Variants in TOM1L2 observed in about 807,000 individuals in gnomAD.
TOM1L2 encodes target of myb1 like 2 membrane trafficking protein.
Under a neutral mutation model 67.9 loss-of-function variants are expected in TOM1L2, and 31 were observed. That is an observed-to-expected ratio of 0.46 (90% confidence interval 0.34 to 0.62). TOM1L2 has a LOEUF of 0.62. Among genes scored for constraint, TOM1L2 ranks in the 20% least tolerant of loss-of-function variants. The probability of loss-of-function intolerance (pLI) is 0.01; values close to 1 mark genes in which losing one functional copy is unlikely to be tolerated. For missense variants in TOM1L2, 606 were observed against 663.5 expected (o/e 0.91, Z 0.95); for synonymous variants, 256 against 254.0 (o/e 1.01, Z -0.07).
At chr17:17,892,231 T>C (rs191641335) in intron 4 of TOM1L2, among the ~76,000 whole-genome samples, 13 of 152,202 alleles carry the variant, frequency 8.5e-5, no homozygotes, top group Admixed American at 8.5e-4. Flanking sequence ...GGACAGAGGC[T>C]CCTCTCCAGC....
chr17:17,960,358 G>T (rs1268668549), intron 1 of TOM1L2, among the ~76,000 whole-genome samples: 1 of 152,050 alleles, frequency 6.6e-6, no homozygotes, highest in Non-Finnish European at 1.5e-5. Context: ...CTGAGACAGG[G>T]TCTCTGGCTC....
chr17:17,909,587 C>A, intron 1 of TOM1L2, among the ~76,000 whole-genome samples: 1 of 68,042 alleles, frequency 1.5e-5, no homozygotes, highest in Non-Finnish European at 2.7e-5. Context: ...CCAGAGGCTG[C>A]TGGGGGGTGT....
chr17:17,854,119 C>T (rs1211784476), intron 12 of TOM1L2, among the ~76,000 whole-genome samples: 1 of 152,202 alleles, frequency 6.6e-6, no homozygotes, highest in Non-Finnish European at 1.5e-5. Context: ...TGTGGCCAGA[C>T]ACAAAACCTT....
rs537934066 is a variant in TOM1L2, at chr17:17,913,985, C to T, written c.53-6454G>A. 5.4e-4 allele frequency among the ~76,000 whole-genome samples: 83 copies of T among 152,300 alleles called. 1 individual carries two copies. The South Asian group carries it at 0.017, about 32-fold the overall frequency. ...AGGGGAGAGACTACTACCCCCTAGC[C>T]AGCTGGCCTCTCCCCTTCCTGGCTC... is the stretch of plus-strand genomic sequence containing the variant. On this transcript the variant is annotated intron_variant, in intron 1 of 14. Coordinates refer to ENST00000379504, the MANE Select transcript of TOM1L2 (RefSeq NM_001082968.2).
At chr17:17,955,963 C>T (rs745811169) in intron 1 of TOM1L2, among the ~76,000 whole-genome samples, 5 of 152,170 alleles carry the variant, frequency 3.3e-5, no homozygotes, top group Non-Finnish European at 2.9e-5. Flanking sequence ...TCATTCCTCC[C>T]AATGGGTTCG....
At chr17:17,883,227 A>G (rs1205555603) in intron 5 of TOM1L2, among the ~76,000 whole-genome samples, 1 of 152,230 alleles carries the variant, frequency 6.6e-6, no homozygotes, top group East Asian at 1.9e-4. Context: ...TGCTAATCAC[A>G]GATCTTTACT....
intron 13 of TOM1L2, among the ~76,000 whole-genome samples, chr17:17,849,262 G>A (rs553362126): frequency 1.3e-5 from 2 of 152,312 alleles, no homozygotes; most frequent in South Asian, 2.1e-4. Flanking sequence ...ACAGGGTCAC[G>A]TGTGCCCAAC....
rs200653624 is a variant in TOM1L2, at chr17:17,854,484, GTTTTATTTTTAT to G, written c.1279-3544_1279-3533del. On this transcript the variant is annotated intron_variant, in intron 12 of 14. Coordinates refer to ENST00000379504, the MANE Select transcript of TOM1L2 (RefSeq NM_001082968.2). ...AGGCTGTTGGCTCTGATGTGTCATA[GTTTTATTTTTAT>G]TTTTATTTATTTATTTAGTTATTTA... Among the ~76,000 whole-genome samples, 55 of 151,968 alleles carry G rather than the reference GTTTTATTTTTAT, an allele frequency of 3.6e-4. 1 individual carries two copies. In the East Asian group the frequency reaches 6.4e-3, roughly 18 times the overall value.
chr17:17,949,277 T>G (rs1362920590), intron 1 of TOM1L2, among the ~76,000 whole-genome samples: 1 of 151,718 alleles, frequency 6.6e-6, no homozygotes, highest in Admixed American at 6.6e-5. Context: ...AAAACCCAGC[T>G]CACCATCCAC....
intron 4 of TOM1L2, among the ~76,000 whole-genome samples, chr17:17,885,687 G>A (rs920738818): frequency 6.6e-6 from 1 of 152,038 alleles, no homozygotes; most frequent in Non-Finnish European, 1.5e-5. Context: ...CACTTTGAGA[G>A]GCCGAGGCGG....
intron 1 of TOM1L2, among the ~76,000 whole-genome samples, chr17:17,909,658 G>GAA (rs1555603443): frequency 6.6e-6 from 1 of 152,174 alleles, no homozygotes; most frequent in African/African-American, 2.4e-5. Context: ...TGGGGAAAAT[G>GAA]AAAGAGTTCT....
At chr17:17,970,296 C>A (rs977196541) in intron 1 of TOM1L2, among the ~76,000 whole-genome samples, 14 of 151,996 alleles carry the variant, frequency 9.2e-5, no homozygotes, top group African/African-American at 3.1e-4. Flanking sequence ...GATCTCCTGA[C>A]CTTGTGATCC....
intron 3 of TOM1L2, among the ~76,000 whole-genome samples, chr17:17,895,939 G>T (rs1272388764): frequency 2.0e-5 from 3 of 152,174 alleles, no homozygotes; most frequent in African/African-American, 7.2e-5. Context: ...AGCCAGAATC[G>T]TTCCTTGCCT....
At chr17:17,947,146 C>G (rs2040986145) in intron 1 of TOM1L2, among the ~76,000 whole-genome samples, 1 of 152,182 alleles carries the variant, frequency 6.6e-6, no homozygotes, top group African/African-American at 2.4e-5. Context: ...GGAAAGAACA[C>G]TAGAACTGGG....
Position 17,849,018 on chromosome 17 carries a change from A to T in TOM1L2, c.1339-159T>A, listed in dbSNP as rs145649442. ...TGTTTCCAGATTTCTGTAATAGTAA[A>T]ATACTGCTCTTCTTATTGGAGAAAC... On this transcript the variant is annotated intron_variant, in intron 13 of 14. Transcript: ENST00000379504. 172 of 600,282 alleles carry T rather than the reference A, an allele frequency of 2.9e-4. No homozygotes were observed. The Middle Eastern group carries it at 3.9e-3, about 14-fold the overall frequency. The allele number at this position is 600,282 out of a possible 1,614,324, so 37.2% of individuals were successfully genotyped here. A position where few individuals can be genotyped will look rare whatever the true frequency, so the allele number is the denominator to read the frequency against.
chr17:17,902,275 G>C (rs1598299703), intron 2 of TOM1L2, among the ~76,000 whole-genome samples: 1 of 152,238 alleles, frequency 6.6e-6, no homozygotes, highest in South Asian at 2.1e-4. Flanking sequence ...TTAGGCATCA[G>C]CATTCCTCAG....
chr17:17,928,082 A>G (rs1434759646), intron 1 of TOM1L2, among the ~76,000 whole-genome samples: 1 of 152,162 alleles, frequency 6.6e-6, no homozygotes, highest in Non-Finnish European at 1.5e-5. Flanking sequence ...TAATTGTAGA[A>G]GCTCAATGAT....
intron 1 of TOM1L2, among the ~76,000 whole-genome samples, chr17:17,912,189 G>C (rs2039392109): frequency 6.6e-6 from 1 of 152,126 alleles, no homozygotes; most frequent in Non-Finnish European, 1.5e-5. Flanking sequence ...CAGACGGGGT[G>C]GTGGCCGGGC....
rs1357929540 is a variant in TOM1L2, at chr17:17,866,317, A to G, written c.1063T>C (p.Ser355Pro). The G allele has an allele frequency of 1.2e-6, 2 of 1,612,750 alleles. No homozygotes were observed. The highest frequency in any genetic ancestry group is 2.2e-5 in the South Asian group (2 of 90,612). The change falls in exon 10 of 15, where the codon TCC becomes CCC. Residue 355 changes from serine (S) to proline (P), a missense_variant. This residue lies in a region of TOM1L2 where 543 missense variants were observed against 554.0 expected (regional missense o/e 0.98). Coordinates refer to ENST00000379504, the MANE Select transcript of TOM1L2 (RefSeq NM_001082968.2). Reference protein sequence around the residue: ...VGNTAPPSSLSSQLAGLDLGT... With the variant: ...VGNTAPPSSLPSQLAGLDLGT... The stretch of plus-strand genomic sequence containing the variant: ...TCACCTAAGCCTGCAAGCTGGGAGG[A>G]GAGGGAAGATGGGGGCGCTGTGTTC...
Sources: gnomAD v4.1 joint callset for allele counts (sites outside exome capture counted in the v4.1 genomes callset) on GRCh38, gnomAD v4.1.1 for gene constraint, gnomAD v4.1.1 regional missense constraint, MANE v1.5 for transcripts, NCBI Gene and HGNC (gene_info 2026-07-23, HGNC 2026-07-21) for gene names.